Variants in ARHGAP15 observed in about 807,000 individuals in gnomAD.
ARHGAP15 encodes the protein rho GTPase-activating protein 15.
A neutral mutation model predicts 63.7 loss-of-function variants in ARHGAP15; 51 were observed. The ratio of observed to expected loss-of-function variants is 0.80; its 90% CI spans 0.64 to 1.01. The LOEUF (loss-of-function observed/expected upper bound fraction) is 1.01, where lower values mean the gene tolerates loss of function less well. ARHGAP15 is among the 50% of genes least tolerant of loss of function. ARHGAP15 has a pLI of 0.00. For synonymous variants in ARHGAP15, 191 were observed against 193.8 expected, an observed-to-expected ratio of 0.99 and a Z score of 0.12; for missense variants, 560 against 564.6, an observed-to-expected ratio of 0.99 and a Z score of 0.08.
intron 10 of ARHGAP15, among the ~76,000 whole-genome samples, chr2:143,548,534 C>T (rs569135268): frequency 6.3e-4 from 95 of 151,900 alleles, no homozygotes; most frequent in African/African-American, 2.2e-3. Flanking sequence ...AAATCCTTCT[C>T]TTAGTGACCT....
chr2:143,568,114 G>A (rs935491720), intron 11 of ARHGAP15, among the ~76,000 whole-genome samples: 12 of 152,086 alleles, frequency 7.9e-5, no homozygotes, highest in African/African-American at 2.4e-4. Context: ...GCATGGGCAA[G>A]GACTTCATGA....
At chr2:143,648,062 C>T (rs1189819007) in intron 12 of ARHGAP15, among the ~76,000 whole-genome samples, 1 of 151,982 alleles carries the variant, frequency 6.6e-6, no homozygotes, top group Non-Finnish European at 1.5e-5. Context: ...CCTACATCTA[C>T]TAATAAACTC....
intron 8 of ARHGAP15, among the ~76,000 whole-genome samples, chr2:143,461,077 G>A (rs867630981): frequency 3.3e-5 from 5 of 151,820 alleles, no homozygotes; most frequent in Middle Eastern, 6.8e-3. Flanking sequence ...ATCGCCTCGG[G>A]TCAGGAGTTT....
chr2:143,139,152 T>C (rs897471509), intron 1 of ARHGAP15, among the ~76,000 whole-genome samples: 5 of 152,128 alleles, frequency 3.3e-5, no homozygotes, highest in African/African-American at 1.2e-4. Context: ...TCCTCTATGA[T>C]ATCCCATCAG....
At chr2:143,387,894 CAT>C (rs1687365082) in intron 6 of ARHGAP15, among the ~76,000 whole-genome samples, 2 of 147,976 alleles carry the variant, frequency 1.4e-5, no homozygotes, top group Admixed American at 1.4e-4. Flanking sequence ...TGCACATACA[CAT>C]ACACGCATGC....
At chr2:143,334,875 G>A (rs528764470) in intron 6 of ARHGAP15, among the ~76,000 whole-genome samples, 2 of 152,324 alleles carry the variant, frequency 1.3e-5, no homozygotes, top group South Asian at 2.1e-4. Context: ...TGGATCATCT[G>A]AGGTCGGGAG....
chr2:143,220,751 T>C (rs1692960301), intron 4 of ARHGAP15, among the ~76,000 whole-genome samples: 1 of 152,348 alleles, frequency 6.6e-6, no homozygotes, highest in South Asian at 2.1e-4. Context: ...ATGCTTCTTA[T>C]ATAAAATTTG....
At chr2:143,134,892 C>T (rs564236654) in intron 1 of ARHGAP15, among the ~76,000 whole-genome samples, 1 of 152,206 alleles carries the variant, frequency 6.6e-6, no homozygotes, top group South Asian at 2.1e-4. Context: ...CCACCTTGAC[C>T]TCCCAAAGTG....
At chr2:143,165,997 A>AGAAG (rs1277341321) in intron 2 of ARHGAP15, among the ~76,000 whole-genome samples, 1 of 93,472 alleles carries the variant, frequency 1.1e-5, no homozygotes, top group East Asian at 4.3e-4. Context: ...AAAGAAAGAA[A>AGAAG]GAAAGAAGGA....
chr2:143,690,248 CT>C (rs1301241996), intron 12 of ARHGAP15, among the ~76,000 whole-genome samples: 2 of 152,190 alleles, frequency 1.3e-5, no homozygotes, highest in South Asian at 2.1e-4. Flanking sequence ...CTCTCAGTCC[CT>C]GTTTAAATTA....
intron 6 of ARHGAP15, among the ~76,000 whole-genome samples, chr2:143,345,570 T>C (rs568819656): frequency 1.2e-3 from 180 of 152,284 alleles, no homozygotes; most frequent in African/African-American, 4.2e-3. Context: ...TGTATTTTTT[T>C]TTAACGCTTT....
At chr2:143,704,403 ATGGATCAGGC>A (rs1176338448) in intron 13 of ARHGAP15, among the ~76,000 whole-genome samples, 2 of 152,092 alleles carry the variant, frequency 1.3e-5, no homozygotes, top group African/African-American at 4.8e-5. Context: ...TATTGTGGAG[ATGGATCAGGC>A]TGGACTTGCT....
rs540377815 is a variant in ARHGAP15 at position 143,200,128 on chromosome 2, C to T, written c.166-2006C>T. The stretch of plus-strand genomic sequence containing the variant: ...TGGCCAGTCTCTGTGAGACAACTTC[C>T]CTCAAAGTCAAGACAGTCCCCGGCT... On this transcript the variant is annotated intron_variant, in intron 2 of 13. Transcript: ENST00000295095. Among the ~76,000 whole-genome samples, 120 of 152,216 alleles carry T rather than the reference C, an allele frequency of 7.9e-4. 1 individual carries two copies. The highest frequency in any genetic ancestry group is 2.8e-3 in the African/African-American group (117 of 41,548).
intron 9 of ARHGAP15, among the ~76,000 whole-genome samples, chr2:143,501,140 T>A (rs13023582): frequency 0.26 from 40,259 of 152,088 alleles, 6,118 homozygotes; most frequent in East Asian, 0.71. Flanking sequence ...AAAAGTGATA[T>A]CTTGAGGATA....
chr2:143,466,714 C>T (rs771432137), intron 8 of ARHGAP15, among the ~76,000 whole-genome samples: 5 of 152,094 alleles, frequency 3.3e-5, no homozygotes, highest in Non-Finnish European at 5.9e-5. Flanking sequence ...CGTCTATCCT[C>T]ACATCATTTT....
chr2:143,626,342 T>G (rs1253956911), intron 12 of ARHGAP15, among the ~76,000 whole-genome samples: 2 of 152,152 alleles, frequency 1.3e-5, no homozygotes, highest in East Asian at 1.9e-4. Context: ...CGTCCTTCAT[T>G]GTTCAAGGCA....
chr2:143,222,086 G>C (rs1040099343), intron 4 of ARHGAP15, among the ~76,000 whole-genome samples: 1 of 152,186 alleles, frequency 6.6e-6, no homozygotes. Context: ...TACTGACAGA[G>C]ATGGGTATTT....
At chr2:143,231,284 T>C (rs1478260154) in intron 5 of ARHGAP15, among the ~76,000 whole-genome samples, 4 of 152,148 alleles carry the variant, frequency 2.6e-5, no homozygotes. Context: ...ACATATTCTA[T>C]AGTACACAAT....
chr2:143,594,512 G>A (rs191810117), intron 11 of ARHGAP15, among the ~76,000 whole-genome samples: 30 of 152,258 alleles, frequency 2.0e-4, no homozygotes, highest in African/African-American at 6.7e-4. Flanking sequence ...TATAGATGTG[G>A]CTTTTAGTAA....
Sources: gnomAD v4.1 joint callset for allele counts (sites outside exome capture counted in the v4.1 genomes callset) on GRCh38, gnomAD v4.1.1 for gene constraint, MANE v1.5 for transcripts, NCBI Gene and HGNC (gene_info 2026-07-23, HGNC 2026-07-21) for gene names.